SORL1: variants seen among roughly 807,000 people sequenced by gnomAD.
SORL1 encodes sortilin related receptor 1.
Under a neutral mutation model 273.7 loss-of-function variants are expected in SORL1, and 127 were observed. The observed-to-expected ratio is 0.46, with a 90% confidence interval of 0.40 to 0.54. The LOEUF is 0.54. Among genes scored for constraint, SORL1 ranks in the 20% least tolerant of loss-of-function variants. The pLI is 0.00. For synonymous variants in SORL1, 1,031 were observed against 1,067.4 expected, an observed-to-expected ratio of 0.97 and a Z score of 0.66; for missense variants, 2,494 against 2,846.1, an observed-to-expected ratio of 0.88 and a Z score of 2.81.
At chr11:121,470,469 T>A (rs1861150914) in intron 2 of SORL1, among the ~76,000 whole-genome samples, 1 of 152,244 alleles carries the variant, frequency 6.6e-6, no homozygotes, top group African/African-American at 2.4e-5. Flanking sequence ...CTTTCCCATA[T>A]GCTGGTTTCT....
chr11:121,619,929 G>T lies in SORL1; in HGVS notation c.5889+12G>T. 2 of 1,610,152 alleles carry T rather than the reference G, an allele frequency of 1.2e-6. No homozygotes were observed. The highest frequency in any genetic ancestry group is 2.2e-5 in the South Asian group (2 of 90,944). On this transcript the variant is annotated intron_variant, in intron 43 of 47. Transcript: ENST00000260197. Reference sequence around the variant, plus strand: ...CTGACCAGGACTTGGTGAGTGGGTTGGGCTTCCAGGCCTCTTTGTTTATTC... The same window carrying T: ...CTGACCAGGACTTGGTGAGTGGGTTTGGCTTCCAGGCCTCTTTGTTTATTC...
Position 121,577,275 on chromosome 11 carries a change from C to T in SORL1, c.3461-6C>T. 1 of 1,582,224 alleles carries T rather than the reference C, an allele frequency of 6.3e-7. No individual in the cohort carries two copies. The highest frequency in any genetic ancestry group is 1.2e-5 in the South Asian group (1 of 85,134). ...CTCACCTCTCTGTTTATGGTCTCACCTGCAGAAATGCACCAGTGCCGGAGT... is the reference window on the plus strand; with the variant it reads ...CTCACCTCTCTGTTTATGGTCTCACTTGCAGAAATGCACCAGTGCCGGAGT... On this transcript the variant is annotated splice_polypyrimidine_tract_variant and splice_region_variant and intron_variant, in intron 24 of 47. Transcript: ENST00000260197.
chr11:121,491,778 T>C (rs1446908391), intron 5 of SORL1, among the ~76,000 whole-genome samples: 1 of 152,240 alleles, frequency 6.6e-6, no homozygotes, highest in African/African-American at 2.4e-5. Flanking sequence ...CTCTTGTTTT[T>C]CTATCATTAA....
chr11:121,509,427 T>G (rs1191123392), intron 6 of SORL1, among the ~76,000 whole-genome samples: 2 of 152,220 alleles, frequency 1.3e-5, no homozygotes, highest in African/African-American at 4.8e-5. Flanking sequence ...CAATCTCAAA[T>G]ATAAATGGAA....
intron 32 of SORL1, among the ~76,000 whole-genome samples, chr11:121,599,821 A>C (rs555482880): frequency 6.6e-6 from 1 of 152,098 alleles, no homozygotes; most frequent in South Asian, 2.1e-4. Flanking sequence ...GCCTTTGATA[A>C]ACCTTAAAAG....
intron 26 of SORL1, among the ~76,000 whole-genome samples, chr11:121,585,221 C>T (rs1784923): frequency 0.4 from 60,782 of 152,044 alleles, 15,289 homozygotes; most frequent in Non-Finnish European, 0.57. Context: ...TGGTGGCTCA[C>T]GCCTGTAATC....
rs761380611 is a variant in SORL1 at position 121,588,013 on chromosome 11, C to G, written c.3815-7C>G. 1 of 1,612,612 alleles carries G rather than the reference C, an allele frequency of 6.2e-7. No individual in the cohort carries two copies. The highest frequency in any genetic ancestry group is 1.1e-5 in the South Asian group (1 of 90,922). On this transcript the variant is annotated splice_polypyrimidine_tract_variant and splice_region_variant and intron_variant, in intron 27 of 47. Coordinates refer to ENST00000260197, the MANE Select transcript of SORL1 (RefSeq NM_003105.6). ...ATGGCCTCTTCCCTTCTCTGGATCCCTTACAGAGCCCCTCTGTACGCACTT... is the reference window on the plus strand; with the variant it reads ...ATGGCCTCTTCCCTTCTCTGGATCCGTTACAGAGCCCCTCTGTACGCACTT...
chr11:121,558,697 A>G lies in SORL1; in HGVS notation c.2770A>G (p.Asn924Asp), dbSNP rs1862629149. The G allele has an allele frequency of 1.2e-6, 2 of 1,613,842 alleles. No homozygotes were observed. The highest frequency in any genetic ancestry group is 1.7e-6 in the Non-Finnish European group (2 of 1,179,980). The change falls in exon 20 of 48, where the codon AAT becomes GAT. Residue 924 changes from asparagine (N) to aspartate (D), a missense_variant. Asn to Asp is a conservative substitution (Grantham distance 23). Transcript: ENST00000260197. ...HLVSEDVKWPNGISVDDQWIY... is the reference protein window; with the variant it reads ...HLVSEDVKWPDGISVDDQWIY... ...GGTGTCTGAGGATGTGAAGTGGCCCAATGGCATCTCTGTGGACGACCAGTG... is the reference window on the plus strand; with the variant it reads ...GGTGTCTGAGGATGTGAAGTGGCCCGATGGCATCTCTGTGGACGACCAGTG...
Position 121,558,760 on chromosome 11 carries a change from C to T in SORL1, c.2833C>T (p.Arg945Trp), listed in dbSNP as rs1240178603. Residue 945 changes from arginine (R) to tryptophan (W), a missense_variant, in exon 20 of 48, where the codon CGG (arginine) becomes TGG (tryptophan). Arg to Trp is a moderately radical substitution (Grantham distance 101). Transcript: ENST00000260197. ...WTDAYLECIE[R>W]ITFSGQQRSV... ...GGATGCCTACCTGGAGTGCATAGAG[C>T]GGATCACGTTCAGTGGCCAGCAGCG... 9 of 1,613,968 alleles carry T rather than the reference C, an allele frequency of 5.6e-6. No individual in the cohort carries two copies. The highest frequency in any genetic ancestry group is 7.6e-6 in the Non-Finnish European group (9 of 1,180,014).
chr11:121,577,174 T>C, intron 24 of SORL1, 107 bp from the exon 25 acceptor site: 1 of 1,372,558 alleles, frequency 7.3e-7, no homozygotes, highest in Non-Finnish European at 1.0e-6. Flanking sequence ...CTGTGGATCA[T>C]TGGTGATCAC....
At chr11:121,584,045 A>G (rs1218689164) in intron 26 of SORL1, among the ~76,000 whole-genome samples, 2 of 152,212 alleles carry the variant, frequency 1.3e-5, no homozygotes, top group Non-Finnish European at 2.9e-5. Flanking sequence ...CCTAGTTTAC[A>G]TGGTTGCTTC....
intron 6 of SORL1, among the ~76,000 whole-genome samples, chr11:121,499,180 T>C (rs1861675555): frequency 6.6e-6 from 1 of 152,174 alleles, no homozygotes; most frequent in Admixed American, 6.5e-5. Context: ...TATTAAATTT[T>C]TGGTACTTTT....
At position 121,627,467 on chromosome 11, in the gene SORL1, T is replaced by C. The variant is rs373420733; in HGVS notation, c.6365-88T>C. ...TGTGTAGCTGTGGCTATCGCCCAGC[T>C]TTTTTTGGTGGGTGGGGCCTTGAGG... On this transcript the variant is annotated intron_variant, in intron 46 of 47. Transcript: ENST00000260197. The surrounding 1 kb of genome is among the most constrained non-coding windows in gnomAD (Gnocchi z 4.9). 4.9e-5 allele frequency: 54 copies of C among 1,092,166 alleles called. No homozygotes were observed. In the African/African-American group the frequency reaches 6.2e-4, roughly 13 times the overall value. The allele number at this position is 1,092,166 out of a possible 1,614,324, so 67.7% of individuals were successfully genotyped here.
intron 25 of SORL1, among the ~76,000 whole-genome samples, chr11:121,579,527 C>T (rs191297449): frequency 5.3e-5 from 8 of 152,280 alleles, no homozygotes; most frequent in Admixed American, 2.6e-4. Context: ...TGTTTTTAAA[C>T]GTGTACATCT....
Position 121,619,925 on chromosome 11 carries a change from G to A in SORL1, c.5889+8G>A, listed in dbSNP as rs367951857. The A allele has an allele frequency of 6.2e-6, 10 of 1,611,526 alleles. No homozygotes were observed. The highest frequency in any genetic ancestry group is 2.7e-5 in the African/African-American group (2 of 74,868). ...TCTCCTGACCAGGACTTGGTGAGTG[G>A]GTTGGGCTTCCAGGCCTCTTTGTTT... On this transcript the variant is annotated splice_region_variant and intron_variant, in intron 43 of 47. Transcript: ENST00000260197.
chr11:121,461,835 A>G (rs542132362), intron 1 of SORL1, among the ~76,000 whole-genome samples: 15 of 152,224 alleles, frequency 9.9e-5, no homozygotes, highest in African/African-American at 3.4e-4. Context: ...TTAATGTTCT[A>G]TGTGGAGCCG....
intron 24 of SORL1, among the ~76,000 whole-genome samples, chr11:121,574,955 T>A (rs530413453): frequency 6.6e-6 from 1 of 152,322 alleles, no homozygotes; most frequent in East Asian, 1.9e-4. Flanking sequence ...ACTGTTCTTT[T>A]TTTTTTAACC....
chr11:121,466,380 G>A (rs1384106902), intron 1 of SORL1, among the ~76,000 whole-genome samples: 1 of 152,144 alleles, frequency 6.6e-6, no homozygotes, highest in African/African-American at 2.4e-5. Flanking sequence ...GAGATCCTTG[G>A]GGATGGATGG....
chr11:121,552,493 G>T (rs928846828), intron 16 of SORL1, among the ~76,000 whole-genome samples: 1 of 152,234 alleles, frequency 6.6e-6, no homozygotes, highest in South Asian at 2.1e-4. Flanking sequence ...GTTTATAGAT[G>T]CTGGAGAGAG....
Sources: allele counts gnomAD v4.1 joint callset (sites outside exome capture counted in the v4.1 genomes callset), GRCh38; gene constraint gnomAD v4.1.1; non-coding constraint Gnocchi (gnomAD v3.1); transcripts MANE v1.5; gene names NCBI Gene and HGNC (gene_info 2026-07-23, HGNC 2026-07-21).